DEFB135: variants seen among roughly 807,000 people sequenced by gnomAD.
The protein encoded by DEFB135 is beta-defensin 135.
Under a neutral mutation model 8.9 loss-of-function variants are expected in DEFB135, and 14 were observed. That is an observed-to-expected ratio of 1.58 (90% CI 1.04 to 2.47). DEFB135 has a LOEUF of 2.47. DEFB135 is among the 30% of genes most tolerant of loss of function. The pLI is 0.00. For synonymous variants in DEFB135, 51 were observed against 34.5 expected, an observed-to-expected ratio of 1.48 and a Z score of -1.67; for missense variants, 135 against 94.2, an observed-to-expected ratio of 1.43 and a Z score of -1.79.
rs180689582 is a variant in DEFB135 at position 11,984,107 on chromosome 8, C to G, written c.65-314C>G. On this transcript the variant is annotated intron_variant, in intron 1 of 1. Coordinates refer to ENST00000382208, the MANE Select transcript of DEFB135 (RefSeq NM_001033017.3). ...GGACCTCTGCAGGCTCCTGGGATGA[C>G]TTCGATGTCTGAATATTCTTTCTGA... Among the ~76,000 whole-genome samples the G allele has an allele frequency of 1.9e-3, 287 of 152,244 alleles. 5 individuals carry two copies. Among genetic ancestry groups the G allele is most frequent in the African/African-American group, 6.6e-3 (273 of 41,534 alleles).
chr8:11,982,272 GGAGA>G lies in DEFB135; in HGVS notation c.-45_-42del, dbSNP rs751068181. The G allele has an allele frequency of 2.5e-6, 4 of 1,608,730 alleles. No homozygotes were observed. The highest frequency in any genetic ancestry group is 1.3e-5 in the African/African-American group (1 of 74,916). On this transcript the variant is annotated 5_prime_UTR_variant, in exon 1 of 2. Coordinates refer to ENST00000382208, the MANE Select transcript of DEFB135 (RefSeq NM_001033017.3). ...CAGCTCCCCGTCTCTTCAAAGCTGCGGAGAGAGTGACTCTCCGATGAGTCACAGC... is the reference window on the plus strand; with the variant it reads ...CAGCTCCCCGTCTCTTCAAAGCTGCGGAGTGACTCTCCGATGAGTCACAGC...
In DEFB135 at chr8:11,982,326, C is replaced by A; in HGVS notation, c.6C>A (p.Ala2=). The change falls in exon 1 of 2, where the codon GCC becomes GCA. Residue 2 remains alanine (A), a synonymous_variant. Transcript: ENST00000382208. The part of the protein sequence containing the change: M[A]TRSVLLALVV... ...CTGCTTCTTTGCTGATTGGTATGGC[C>A]ACAAGGAGCGTCCTCTTGGCCCTCG... 1 of 1,614,142 alleles carries A rather than the reference C, an allele frequency of 6.2e-7. No individual in the cohort carries two copies. The highest frequency in any genetic ancestry group is 8.5e-7 in the Non-Finnish European group (1 of 1,180,026).
Position 11,984,479 on chromosome 8 carries a change from A to G in DEFB135, c.123A>G (p.Gln41=). ...TCTTTGCTTCATGTTGGCGACTGCA[A>G]GGTACTTGCCGGCCAAAATGTCTAA... The part of the protein sequence containing the change: ...QKIFASCWRL[Q]GTCRPKCLKN... Residue 41 remains glutamine, a synonymous_variant, in exon 2 of 2, where the codon CAA becomes CAG. Coordinates refer to ENST00000382208, the MANE Select transcript of DEFB135 (RefSeq NM_001033017.3). 1 of 1,580,720 alleles carries G rather than the reference A, an allele frequency of 6.3e-7. No homozygotes were observed. The highest frequency in any genetic ancestry group is 8.7e-7 in the Non-Finnish European group (1 of 1,155,446).
Position 11,982,396 on chromosome 8 carries a change from TC to T in DEFB135, c.64+16del, listed in dbSNP as rs756488141. ...CTATGTTCCACCAGGTAAAATGGAGTCCCCACCTTGTAGAATTAGGAATAGT... is the reference window on the plus strand; with the variant it reads ...CTATGTTCCACCAGGTAAAATGGAGTCCCACCTTGTAGAATTAGGAATAGT... On this transcript the variant is annotated intron_variant, in intron 1 of 1. Coordinates refer to ENST00000382208, the MANE Select transcript of DEFB135 (RefSeq NM_001033017.3). 1.2e-6 allele frequency: 2 copies of T among 1,613,078 alleles called. No homozygotes were observed. The highest frequency in any genetic ancestry group is 8.5e-7 in the Non-Finnish European group (1 of 1,179,708).
chr8:11,982,261 T>C lies in DEFB135; in HGVS notation c.-60T>C. The C allele has an allele frequency of 1.3e-6, 2 of 1,599,294 alleles. No individual in the cohort carries two copies. Among genetic ancestry groups the C allele is most frequent in the Non-Finnish European group, 8.6e-7 (1 of 1,168,298 alleles). ...CACTAGCCATGCAGCTCCCCGTCTCTTCAAAGCTGCGGAGAGAGTGACTCT... is the reference window on the plus strand; with the variant it reads ...CACTAGCCATGCAGCTCCCCGTCTCCTCAAAGCTGCGGAGAGAGTGACTCT... On this transcript the variant is annotated 5_prime_UTR_variant, in exon 1 of 2. Transcript: ENST00000382208.
intron 1 of DEFB135, 84 bp from the exon 2 acceptor site, chr8:11,984,337 C>G: frequency 8.9e-7 from 1 of 1,118,532 alleles, no homozygotes; most frequent in South Asian, 2.9e-5. Flanking sequence ...AAAGTGAAAA[C>G]TATGGTCTGA....
intron 1 of DEFB135, among the ~76,000 whole-genome samples, chr8:11,982,960 T>C (rs562802170): frequency 6.6e-6 from 1 of 152,110 alleles, no homozygotes; most frequent in South Asian, 2.1e-4. Flanking sequence ...ATGAGAAGAG[T>C]CTACTTCAGT....
chr8:11,983,949 T>C (rs73663073), intron 1 of DEFB135, among the ~76,000 whole-genome samples: 6,117 of 152,200 alleles, frequency 0.04, 392 homozygotes, highest in African/African-American at 0.14. Context: ...CAGAATGTTT[T>C]TGGGGAATAC....
Position 11,984,474 on chromosome 8 carries a change from C to A in DEFB135, c.118C>A (p.Leu40Met), listed in dbSNP as rs748019018. ...AAAAATCTTTGCTTCATGTTGGCGACTGCAAGGTACTTGCCGGCCAAAATG... is the reference window on the plus strand; with the variant it reads ...AAAAATCTTTGCTTCATGTTGGCGAATGCAAGGTACTTGCCGGCCAAAATG... The part of the protein sequence containing the change: ...IQKIFASCWR[L>M]QGTCRPKCLK... The change falls in exon 2 of 2, where the codon CTG becomes ATG. Residue 40 changes from leucine (L) to methionine (M), a missense_variant. Transcript: ENST00000382208. The A allele has an allele frequency of 2.5e-6, 4 of 1,576,792 alleles. No homozygotes were observed. The highest frequency in any genetic ancestry group is 3.5e-6 in the Non-Finnish European group (4 of 1,152,986).
chr8:11,983,078 G>A (rs189141630), intron 1 of DEFB135, among the ~76,000 whole-genome samples: 1 of 152,142 alleles, frequency 6.6e-6, no homozygotes, highest in East Asian at 1.9e-4. Context: ...ATCACTCAAG[G>A]ACCAAGTGTG....
chr8:11,984,590 G>C lies in DEFB135; in HGVS notation c.234G>C (p.Ter78TyrextTer?), dbSNP rs1166734397. Residue 78 changes from the stop codon to tyrosine, a stop_lost, in exon 2 of 2, where the codon TAG becomes TAC. Transcript: ENST00000382208. ...PKYLPILTGK[*>Y] ...ATTTACCTATACTGACTGGGAAATA[G>C]TTGTGAGTACCTGAAAGCTGTTGCT... The C allele has an allele frequency of 4.0e-6, 6 of 1,486,114 alleles. No homozygotes were observed. Among genetic ancestry groups the C allele is most frequent in the Admixed American group, 3.9e-5 (2 of 51,362 alleles). The allele number at this position is 1,486,114 out of a possible 1,614,324, so 92.1% of individuals were successfully genotyped here. A position where few individuals can be genotyped will look rare whatever the true frequency, so the allele number is the denominator to read the frequency against.
Position 11,982,267 on chromosome 8 carries a change from G to A in DEFB135, c.-54G>A. On this transcript the variant is annotated 5_prime_UTR_variant, in exon 1 of 2. Coordinates refer to ENST00000382208, the MANE Select transcript of DEFB135 (RefSeq NM_001033017.3). ...CCATGCAGCTCCCCGTCTCTTCAAA[G>A]CTGCGGAGAGAGTGACTCTCCGATG... 1 of 1,602,794 alleles carries A rather than the reference G, an allele frequency of 6.2e-7. No homozygotes were observed. Among genetic ancestry groups the A allele is most frequent in the Non-Finnish European group, 8.5e-7 (1 of 1,171,038 alleles).
intron 1 of DEFB135, among the ~76,000 whole-genome samples, chr8:11,983,436 A>G (rs1473200022): frequency 6.6e-6 from 1 of 152,152 alleles, no homozygotes; most frequent in Admixed American, 6.5e-5. Flanking sequence ...ACAGATACGA[A>G]TGAGGACCAT....
chr8:11,982,757 C>A (rs139091402), intron 1 of DEFB135, among the ~76,000 whole-genome samples: 3 of 152,266 alleles, frequency 2.0e-5, no homozygotes, highest in Admixed American at 2.0e-4. Flanking sequence ...TAGAACTTGC[C>A]TTCTACAGTC....
rs765191912 is a variant in DEFB135 at position 11,982,347 on chromosome 8, C to T, written c.27C>T (p.Ala9=). 1.2e-6 allele frequency: 2 copies of T among 1,614,124 alleles called. No homozygotes were observed. Among genetic ancestry groups the T allele is most frequent in the East Asian group, 4.5e-5 (2 of 44,880 alleles). The change falls in exon 1 of 2, where the codon GCC becomes GCT. Residue 9 remains alanine (A), a synonymous_variant. Coordinates refer to ENST00000382208, the MANE Select transcript of DEFB135 (RefSeq NM_001033017.3). MATRSVLL[A]LVVLNLLFYV... ...TGGCCACAAGGAGCGTCCTCTTGGC[C>T]CTCGTGGTCCTTAACTTACTCTTCT...
chr8:11,984,318 C>A, intron 1 of DEFB135, 103 bp from the exon 2 acceptor site: 1 of 928,398 alleles, frequency 1.1e-6, no homozygotes, highest in Non-Finnish European at 1.5e-6. Context: ...GCGTCTAATT[C>A]ATTATTAAAA....
intron 1 of DEFB135, among the ~76,000 whole-genome samples, chr8:11,982,628 A>T (rs1799758216): frequency 6.6e-6 from 1 of 152,178 alleles, no homozygotes. Context: ...GAGCTGGTGA[A>T]GTTTGAGGGG....
chr8:11,983,919 G>C (rs769529297), intron 1 of DEFB135, among the ~76,000 whole-genome samples: 1 of 152,130 alleles, frequency 6.6e-6, no homozygotes, highest in Non-Finnish European at 1.5e-5. Context: ...TTGTGATTAA[G>C]CACTTGACAA....
At chr8:11,984,047 G>A (rs1161013755) in intron 1 of DEFB135, among the ~76,000 whole-genome samples, 4 of 152,066 alleles carry the variant, frequency 2.6e-5, no homozygotes, top group Non-Finnish European at 5.9e-5. Context: ...ACTGCCTCAG[G>A]TAGCTATTCC....
Sources: allele counts gnomAD v4.1 joint callset (sites outside exome capture counted in the v4.1 genomes callset), GRCh38; gene constraint gnomAD v4.1.1; transcripts MANE v1.5; gene names NCBI Gene and HGNC (gene_info 2026-07-23, HGNC 2026-07-21).